Variants in FAM83A observed in about 807,000 individuals in gnomAD.
FAM83A encodes the protein protein FAM83A.
A neutral mutation model predicts 24.4 loss-of-function variants in FAM83A; 21 were observed. The ratio of observed to expected loss-of-function variants is 0.86; its 90% CI spans 0.61 to 1.24. FAM83A has a LOEUF of 1.24. Ranked by LOEUF, FAM83A falls within the 50% of genes most tolerant of loss-of-function variation. The pLI, the probability that FAM83A is intolerant of heterozygous loss-of-function variation, is 0.00. For missense variants in FAM83A, 617 were observed against 579.8 expected, an observed-to-expected ratio of 1.06 and a Z score of -0.66; for synonymous variants, 270 against 252.4, an observed-to-expected ratio of 1.07 and a Z score of -0.66.
At chr8:123,195,673 A>T (rs1050528941) in intron 3 of FAM83A, among the ~76,000 whole-genome samples, 1 of 152,128 alleles carries the variant, frequency 6.6e-6, no homozygotes, top group African/African-American at 2.4e-5. Flanking sequence ...TGCCTGGGGA[A>T]GGCCCACCTT....
upstream of FAM83A, chr8:123,182,514 A>G (rs1455403577): frequency 7.9e-6 from 4 of 504,906 alleles, no homozygotes; most frequent in South Asian, 6.2e-5. Context: ...ACCCAGCAGG[A>G]AAGCCGGCTC....
At position 123,203,313 on chromosome 8, in the gene FAM83A, T is replaced by G. The variant is rs117852488; in HGVS notation, c.774-3844T>G. ...TTCATTGAAAGACATCTTGGCTGGG[T>G]GCGGTGGTTCACATCTGTAATCCCA... On this transcript the variant is annotated intron_variant, in intron 3 of 3. Coordinates refer to ENST00000690554, the Ensembl canonical transcript of FAM83A. Among the ~76,000 whole-genome samples the G allele has an allele frequency of 1.1e-3, 158 of 150,134 alleles. 1 individual carries two copies. The East Asian group carries it at 0.024, about 23-fold the overall frequency.
At chr8:123,189,899 CCT>C (rs1267253823) in intron 1 of FAM83A, among the ~76,000 whole-genome samples, 1 of 152,152 alleles carries the variant, frequency 6.6e-6, no homozygotes, top group Non-Finnish European at 1.5e-5. Flanking sequence ...TTAACTGAGC[CCT>C]GTTTTATTTT....
rs190559993 is a variant in FAM83A, at chr8:123,185,346, C to G, written c.480+2010C>G. 3.3e-5 allele frequency among the ~76,000 whole-genome samples: 5 copies of G among 152,256 alleles called. No individual in the cohort carries two copies. The East Asian group carries it at 9.7e-4, about 29-fold the overall frequency. ...AATGCTGTTGGGGGAAATTGTCAAT[C>G]GCAGCTGCTCGAAGGGTGAGGAAGG... On this transcript the variant is annotated intron_variant, in intron 1 of 3. Transcript: ENST00000690554.
chr8:123,199,624 C>T (rs1824279708), intron 3 of FAM83A, among the ~76,000 whole-genome samples: 1 of 152,036 alleles, frequency 6.6e-6, no homozygotes, highest in African/African-American at 2.4e-5. Flanking sequence ...ATCCCAGCTG[C>T]TCAGGAGGCT....
chr8:123,182,744 C>T (rs544862703), exon 1 of FAM83A: 15 of 1,454,734 alleles, frequency 1.0e-5, no homozygotes, highest in Admixed American at 2.2e-5. Context: ...TGGGAGCAGG[C>T]GGCCTCCCGG....
rs780470151 is a variant in FAM83A, at chr8:123,207,400, G to A, written c.1017G>A (p.Ser339=). Reference sequence around the variant, plus strand: ...CCTCCAACCCCTTCAGCGGCCGCTCGGCAGGCAGCCACCCCGGTACCCGAA... The same window carrying A: ...CCTCCAACCCCTTCAGCGGCCGCTCAGCAGGCAGCCACCCCGGTACCCGAA... The change falls in exon 4 of 4, where the codon TCG becomes TCA. Residue 339 remains serine, a synonymous_variant. Transcript: ENST00000690554. The A allele has an allele frequency of 3.1e-6, 5 of 1,610,990 alleles. No individual in the cohort carries two copies. In the East Asian group the frequency reaches 6.7e-5, roughly 22 times the overall value.
chr8:123,186,187 T>A (rs959174653), intron 1 of FAM83A, among the ~76,000 whole-genome samples: 1 of 152,094 alleles, frequency 6.6e-6, no homozygotes, highest in Non-Finnish European at 1.5e-5. Flanking sequence ...AAGGAAGGGT[T>A]TGTGATGTCC....
intron 3 of FAM83A, among the ~76,000 whole-genome samples, chr8:123,199,690 C>T (rs555734923): frequency 1.3e-5 from 2 of 151,882 alleles, no homozygotes; most frequent in East Asian, 3.9e-4. Context: ...GCCAAGATTG[C>T]ACCATTGCAC....
chr8:123,194,890 T>G (rs1272258034), intron 3 of FAM83A, among the ~76,000 whole-genome samples: 1 of 152,220 alleles, frequency 6.6e-6, no homozygotes, highest in Non-Finnish European at 1.5e-5. Flanking sequence ...CCTCAATTTG[T>G]GTTTAGACCC....
exon 4 of FAM83A, chr8:123,207,169 C>T: frequency 3.8e-6 from 6 of 1,581,802 alleles, no homozygotes; most frequent in Non-Finnish European, 4.3e-6. Flanking sequence ...TCACCTGGCT[C>T]TGCGGACACG....
At chr8:123,206,617 T>C (rs750391064) in intron 3 of FAM83A, among the ~76,000 whole-genome samples, 2 of 152,168 alleles carry the variant, frequency 1.3e-5, no homozygotes, top group Non-Finnish European at 2.9e-5. Flanking sequence ...AGGGAGCCTC[T>C]AAGGGGCTGC....
exon 1 of FAM83A, chr8:123,183,112 G>A (rs148011353): frequency 2.2e-5 from 36 of 1,613,966 alleles, no homozygotes; most frequent in Middle Eastern, 3.3e-4. Context: ...AGACACCCTG[G>A]GAGGGGCGGA....
At chr8:123,193,263 C>T (rs559956567) in intron 2 of FAM83A, among the ~76,000 whole-genome samples, 75 of 152,316 alleles carry the variant, frequency 4.9e-4, no homozygotes, top group African/African-American at 1.5e-3. Flanking sequence ...CTGGCTGCAC[C>T]GAGCCTTCCC....
chr8:123,205,069 G>A (rs967441303), intron 3 of FAM83A, among the ~76,000 whole-genome samples: 8 of 152,066 alleles, frequency 5.3e-5, no homozygotes, highest in African/African-American at 1.7e-4. Context: ...CCGAGATCAC[G>A]CCACTGCACT....
rs190948959 is a variant in FAM83A at position 123,187,032 on chromosome 8, A to C, written c.480+3696A>C. 1.7e-3 allele frequency among the ~76,000 whole-genome samples: 252 copies of C among 152,238 alleles called. 2 individuals are homozygous for C. Among genetic ancestry groups the C allele is most frequent in the Middle Eastern group, 6.8e-3 (2 of 294 alleles). ...TGGAAGTGGAGGAAGGGATTAGGGC[A>C]GGCTTCACGGAAGAGGTGGTCTCGG... On this transcript the variant is annotated intron_variant, in intron 1 of 3. Transcript: ENST00000690554.
intron 1 of FAM83A, among the ~76,000 whole-genome samples, chr8:123,190,025 G>T (rs1193398050): frequency 6.6e-6 from 1 of 152,002 alleles, no homozygotes; most frequent in Non-Finnish European, 1.5e-5. Flanking sequence ...CTATGACAGT[G>T]CTCCCATAAG....
rs569184190 is a variant in FAM83A at position 123,207,473 on chromosome 8, C to T, written c.1090C>T (p.Pro364Ser). 6.8e-5 allele frequency: 108 copies of T among 1,587,600 alleles called. 1 individual carries two copies. The East Asian group carries it at 2.4e-3, about 36-fold the overall frequency. The change falls in exon 4 of 4, where the codon CCT becomes TCT. Residue 364 changes from proline (P) to serine (S), a missense_variant. Transcript: ENST00000690554. ...CTGTAGCCCCGCGGCCCCACACCCG[C>T]CTCCACCGCCCCGGTTCCAGCCCCA...
At chr8:123,179,445 A>G (rs1429913454), upstream of FAM83A, 1 of 152,258 alleles carries the variant, frequency 6.6e-6, no homozygotes, top group Non-Finnish European at 1.5e-5. Flanking sequence ...CAGAACCATG[A>G]GCCAAATAAA....
Sources: gnomAD v4.1 joint callset for allele counts (sites outside exome capture counted in the v4.1 genomes callset) on GRCh38, gnomAD v4.1.1 for gene constraint, MANE v1.5 for transcripts, NCBI Gene and HGNC (gene_info 2026-07-23, HGNC 2026-07-21) for gene names.